Variants in STRN observed in about 807,000 individuals in gnomAD.
The protein encoded by STRN is striatin, also known as protein phosphatase 2 regulatory subunit B'''alpha.
STRN carries 53 observed loss-of-function variants against 96.3 expected under a neutral mutation model. The ratio of observed to expected loss-of-function variants is 0.55; its 90% CI spans 0.44 to 0.69. STRN has a LOEUF of 0.69. Among genes scored for constraint, STRN ranks in the 30% least tolerant of loss-of-function variants. The pLI is 0.00. For missense variants in STRN, 987 were observed against 963.9 expected (o/e 1.02, Z -0.32); for synonymous variants, 428 against 355.9 (o/e 1.20, Z -2.28).
At chr2:36,855,393 T>A in intron 14 of STRN, 41 bp from the exon 15 acceptor site, 1 of 1,602,444 alleles carries the variant, frequency 6.2e-7, no homozygotes, top group Non-Finnish European at 8.5e-7. Context: ...AATTAAACCA[T>A]CTACTTGACA....
chr2:36,863,327 T>A (rs1409382427), intron 12 of STRN, among the ~76,000 whole-genome samples: 1 of 152,206 alleles, frequency 6.6e-6, no homozygotes, highest in Admixed American at 6.5e-5. Context: ...TTTAAGTCTT[T>A]AATCCGTCTG....
rs1202422437 is a variant in STRN, at chr2:36,847,642, A to G, written c.*1814T>C. The G allele has an allele frequency of 3.3e-5, 5 of 152,204 alleles. No homozygotes were observed. In the South Asian group the frequency reaches 6.2e-4, roughly 19 times the overall value. 9.4% of individuals were successfully genotyped at this position (152,204 alleles called of 1,614,324 possible). A position where few individuals can be genotyped will look rare whatever the true frequency, so the allele number is the denominator to read the frequency against. ...GAAAAGGTAGCTGTATTACTACAGCATATCTGTATGAAAATCAGGCAAATT... is the reference window on the plus strand; with the variant it reads ...GAAAAGGTAGCTGTATTACTACAGCGTATCTGTATGAAAATCAGGCAAATT... On this transcript the variant is annotated 3_prime_UTR_variant, in exon 18 of 18. Coordinates refer to ENST00000263918, the MANE Select transcript of STRN (RefSeq NM_003162.4).
chr2:36,858,110 T>G, intron 13 of STRN, 87 bp from the exon 14 acceptor site: 1 of 1,046,172 alleles, frequency 9.6e-7, no homozygotes, highest in Non-Finnish European at 1.4e-6. Flanking sequence ...ATATAAACAA[T>G]AGCACCTGAT....
intron 1 of STRN, among the ~76,000 whole-genome samples, chr2:36,936,403 C>A (rs1254824896): frequency 1.3e-5 from 2 of 152,180 alleles, no homozygotes; most frequent in African/African-American, 4.8e-5. Context: ...AATTTTAATA[C>A]AACTATGTGG....
chr2:36,945,625 A>G (rs1460185040), intron 1 of STRN, among the ~76,000 whole-genome samples: 1 of 152,172 alleles, frequency 6.6e-6, no homozygotes, highest in Admixed American at 6.6e-5. Context: ...AGATCGCAAC[A>G]CTGCACTCCA....
intron 1 of STRN, among the ~76,000 whole-genome samples, chr2:36,944,818 T>G (rs1670938406): frequency 6.6e-6 from 1 of 152,108 alleles, no homozygotes; most frequent in Non-Finnish European, 1.5e-5. Flanking sequence ...ATGCTTAAAT[T>G]CAGTCGTAAT....
intron 6 of STRN, among the ~76,000 whole-genome samples, chr2:36,896,005 T>C (rs1442745945): frequency 2.0e-5 from 3 of 152,036 alleles, no homozygotes; most frequent in Non-Finnish European, 2.9e-5. Context: ...CATATAAATA[T>C]ATTGCCTAAT....
intron 10 of STRN, among the ~76,000 whole-genome samples, chr2:36,873,532 C>T (rs1271314952): frequency 6.6e-6 from 1 of 151,882 alleles, no homozygotes; most frequent in African/African-American, 2.4e-5. Context: ...TGCACACCAG[C>T]CTGGGTAAGA....
rs1158709835 is a variant in STRN at position 36,957,742 on chromosome 2, G to GTTTTTTTTT, written c.234+8487_234+8488insAAAAAAAAA. ...GATTAGTCTCATAGTTCTTCTTTTTGTCTTTTTTTTTTTTTTTTTTTTTTT... is the reference window on the plus strand; with the variant it reads ...GATTAGTCTCATAGTTCTTCTTTTTGTTTTTTTTTTCTTTTTTTTTTTTTTTTTTTTTTT... On this transcript the variant is annotated intron_variant, in intron 1 of 17. Transcript: ENST00000263918. Among the ~76,000 whole-genome samples, 136 of 103,082 alleles carry GTTTTTTTTT rather than the reference G, an allele frequency of 1.3e-3. 19 individuals are homozygous for GTTTTTTTTT. Among genetic ancestry groups the GTTTTTTTTT allele is most frequent in the Non-Finnish European group, 1.7e-3 (89 of 51,634 alleles). The allele number at this position is 103,082 out of a possible 152,430, so 67.6% of individuals were successfully genotyped here.
chr2:36,911,694 G>A (rs1669968891), intron 3 of STRN, among the ~76,000 whole-genome samples: 1 of 152,098 alleles, frequency 6.6e-6, no homozygotes, highest in Non-Finnish European at 1.5e-5. Context: ...TCCCTCTGTA[G>A]TTTTAGTTCA....
chr2:36,868,872 CTTTT>C (rs201441254), intron 11 of STRN, among the ~76,000 whole-genome samples: 7 of 131,926 alleles, frequency 5.3e-5, no homozygotes, highest in Non-Finnish European at 5.0e-5. Flanking sequence ...GATGCTGGTT[CTTTT>C]TTTTTTTTTT....
At chr2:36,963,843 G>A (rs990787301) in intron 1 of STRN, among the ~76,000 whole-genome samples, 18 of 152,018 alleles carry the variant, frequency 1.2e-4, no homozygotes, top group Non-Finnish European at 4.4e-5. Flanking sequence ...TGTAATCCCA[G>A]CTACTTGGGA....
chr2:36,919,841 C>A (rs975930581), intron 2 of STRN, among the ~76,000 whole-genome samples: 6 of 152,136 alleles, frequency 3.9e-5, no homozygotes, highest in Admixed American at 6.5e-5. Flanking sequence ...GGTTCCTCAA[C>A]ATAGATGTTC....
chr2:36,860,411 T>C (rs1395880123), intron 13 of STRN, among the ~76,000 whole-genome samples: 2 of 152,168 alleles, frequency 1.3e-5, no homozygotes, highest in East Asian at 1.9e-4. Flanking sequence ...GTTAAATAAA[T>C]GCTGGGAAAA....
At chr2:36,885,703 G>A (rs759993812) in intron 8 of STRN, among the ~76,000 whole-genome samples, 12 of 152,078 alleles carry the variant, frequency 7.9e-5, no homozygotes, top group East Asian at 3.8e-4. Flanking sequence ...TTAAAAGAAT[G>A]TCCTAACAGG....
At chr2:36,911,513 C>T (rs906759098) in intron 3 of STRN, among the ~76,000 whole-genome samples, 2 of 152,130 alleles carry the variant, frequency 1.3e-5, no homozygotes, top group Admixed American at 6.6e-5. Flanking sequence ...TCTATGAATG[C>T]TTGCATGTGA....
chr2:36,943,904 G>C (rs1175270843), intron 1 of STRN, among the ~76,000 whole-genome samples: 4 of 152,012 alleles, frequency 2.6e-5, no homozygotes, highest in Non-Finnish European at 5.9e-5. Context: ...ATCACCTGAG[G>C]TCAGGAGTTC....
At chr2:36,941,906 G>A (rs10193295) in intron 1 of STRN, among the ~76,000 whole-genome samples, 83,887 of 151,786 alleles carry the variant, frequency 0.55, 24,103 homozygotes, top group African/African-American at 0.71. Flanking sequence ...CTTCAAGTTG[G>A]TTTACCACAA....
chr2:36,942,372 C>T (rs760528261), intron 1 of STRN, among the ~76,000 whole-genome samples: 14 of 152,208 alleles, frequency 9.2e-5, no homozygotes, highest in Non-Finnish European at 1.9e-4. Flanking sequence ...AAAAATATCA[C>T]CTCTACTTGT....
Sources: gnomAD v4.1 joint callset for allele counts (sites outside exome capture counted in the v4.1 genomes callset) on GRCh38, gnomAD v4.1.1 for gene constraint, MANE v1.5 for transcripts, NCBI Gene and HGNC (gene_info 2026-07-23, HGNC 2026-07-21) for gene names.